RASSF3: variants seen among roughly 807,000 people sequenced by gnomAD.
RASSF3 encodes Ras association domain family member 3, also known as ras association domain-containing protein 3.
RASSF3 carries 19 observed loss-of-function variants against 19.9 expected under a neutral mutation model. That is an observed-to-expected ratio of 0.96 (90% CI 0.67 to 1.40). RASSF3 has a LOEUF of 1.40. Ranked by LOEUF, RASSF3 falls within the 40% of genes most tolerant of loss-of-function variation. RASSF3 has a pLI of 0.00. For synonymous variants in RASSF3, 110 were observed against 104.2 expected (o/e 1.06, Z -0.34); for missense variants, 306 against 289.8 (o/e 1.06, Z -0.41).
intron 2 of RASSF3, among the ~76,000 whole-genome samples, chr12:64,589,355 C>A (rs1038588928): frequency 4.6e-5 from 7 of 152,112 alleles, no homozygotes; most frequent in African/African-American, 1.4e-4. Flanking sequence ...GAGGCTGAGG[C>A]AGGAGAACTG....
chr12:64,659,384 G>A (rs1165079040), intron 1 of RASSF3, among the ~76,000 whole-genome samples: 1 of 152,158 alleles, frequency 6.6e-6, no homozygotes, highest in African/African-American at 2.4e-5. Context: ...CAAGGTCAGA[G>A]CAAACCGACA....
At chr12:64,605,073 C>T (rs1175219645) in intron 2 of RASSF3, among the ~76,000 whole-genome samples, 1 of 151,928 alleles carries the variant, frequency 6.6e-6, no homozygotes, top group Non-Finnish European at 1.5e-5. Context: ...GCAACCTCCA[C>T]CTCCCTGGTT....
At chr12:64,513,242 C>T (rs1430157320) in intron 1 of RASSF3, among the ~76,000 whole-genome samples, 3 of 151,840 alleles carry the variant, frequency 2.0e-5, no homozygotes, top group Non-Finnish European at 1.5e-5. Context: ...GTCAGGAGTT[C>T]GAGACCAGCC....
intron 2 of RASSF3, among the ~76,000 whole-genome samples, chr12:64,555,983 A>G (rs944451526): frequency 2.5e-4 from 38 of 152,236 alleles, no homozygotes; most frequent in Admixed American, 6.5e-5. Context: ...AGCAGAAGCC[A>G]AGATGGGATT....
At chr12:64,667,524 A>G (rs1872568275) in intron 1 of RASSF3, among the ~76,000 whole-genome samples, 2 of 152,202 alleles carry the variant, frequency 1.3e-5, no homozygotes, top group South Asian at 4.1e-4. Context: ...CCTTGCGGGA[A>G]AGATGGTCGT....
At chr12:64,536,693 A>C (rs1868834388) in intron 1 of RASSF3, among the ~76,000 whole-genome samples, 2 of 152,392 alleles carry the variant, frequency 1.3e-5, no homozygotes, top group South Asian at 4.1e-4. Context: ...AATTTAAATA[A>C]GGAATTATAT....
Position 64,684,009 on chromosome 12 carries a change from A to T in RASSF3, c.112-778A>T, listed in dbSNP as rs1294782627. On this transcript the variant is annotated intron_variant, in intron 1 of 4. Transcript: ENST00000542104. ...GAGAAGGAGAGAGAGAGAGAGAGAG[A>T]GTGAGTGTGTGTGTGTGTGTGTGTG... is the stretch of plus-strand genomic sequence containing the variant. Among the ~76,000 whole-genome samples, 56 of 74,006 alleles carry T rather than the reference A, an allele frequency of 7.6e-4. 1 individual carries two copies. The highest frequency in any genetic ancestry group is 2.3e-3 in the African/African-American group (52 of 22,544). The allele number at this position is 74,006 out of a possible 152,430, so 48.6% of individuals were successfully genotyped here. A position where few individuals can be genotyped will look rare whatever the true frequency, so the allele number is the denominator to read the frequency against.
At chr12:64,680,812 A>G (rs1592466581) in intron 1 of RASSF3, among the ~76,000 whole-genome samples, 1 of 151,912 alleles carries the variant, frequency 6.6e-6, no homozygotes, top group Non-Finnish European at 1.5e-5. Context: ...CAAGGCCACC[A>G]TGTTGGCCAG....
intron 1 of RASSF3, among the ~76,000 whole-genome samples, chr12:64,661,212 T>TAGC (rs752602143): frequency 1.3e-5 from 2 of 152,188 alleles, no homozygotes; most frequent in Non-Finnish European, 2.9e-5. Flanking sequence ...ACCTGGTACA[T>TAGC]AGCAGGTTCT....
At chr12:64,669,922 A>G (rs1040731938) in intron 1 of RASSF3, among the ~76,000 whole-genome samples, 1 of 151,110 alleles carries the variant, frequency 6.6e-6, no homozygotes, top group Non-Finnish European at 1.5e-5. Flanking sequence ...ATTGCTGGCA[A>G]TCTGCTTTCC....
chr12:64,533,259 G>A (rs1369854430), upstream of RASSF3: 2 of 152,222 alleles, frequency 1.3e-5, no homozygotes, highest in Non-Finnish European at 2.9e-5. Context: ...AGCAGGGCCG[G>A]GCTCGAAGAT....
chr12:64,514,961 A>C (rs989007804), intron 1 of RASSF3, among the ~76,000 whole-genome samples: 1 of 151,712 alleles, frequency 6.6e-6, no homozygotes, highest in Non-Finnish European at 1.5e-5. Context: ...CTTTATCTCT[A>C]ATTCTTTCCA....
At chr12:64,574,458 G>C (rs943091695) in intron 2 of RASSF3, among the ~76,000 whole-genome samples, 23 of 152,130 alleles carry the variant, frequency 1.5e-4, no homozygotes, top group African/African-American at 5.3e-4. Flanking sequence ...TGCCCCTCCT[G>C]TTTCACACCT....
intron 1 of RASSF3, among the ~76,000 whole-genome samples, chr12:64,677,414 C>T (rs1872948193): frequency 6.6e-6 from 1 of 152,104 alleles, no homozygotes; most frequent in African/African-American, 2.4e-5. Flanking sequence ...TTTGTAGGTG[C>T]ATACCATCAT....
chr12:64,541,278 G>A (rs918892363), intron 1 of RASSF3, among the ~76,000 whole-genome samples: 3 of 152,056 alleles, frequency 2.0e-5, no homozygotes, highest in African/African-American at 4.8e-5. Flanking sequence ...GAGCCACAGC[G>A]CCCGGCCAAT....
intron 2 of RASSF3, among the ~76,000 whole-genome samples, chr12:64,559,839 C>T (rs1477702358): frequency 6.6e-6 from 1 of 152,174 alleles, no homozygotes; most frequent in African/African-American, 2.4e-5. Flanking sequence ...CAAAGTTTTC[C>T]ACTGGTTCCT....
intron 1 of RASSF3, among the ~76,000 whole-genome samples, chr12:64,640,989 T>C (rs1871496312): frequency 1.3e-5 from 2 of 152,230 alleles, no homozygotes; most frequent in East Asian, 3.9e-4. Flanking sequence ...TGAAATAATA[T>C]TCTAATGTAT....
intron 1 of RASSF3, among the ~76,000 whole-genome samples, chr12:64,680,322 C>T (rs973073142): frequency 2.6e-5 from 4 of 152,032 alleles, no homozygotes; most frequent in Non-Finnish European, 4.4e-5. Flanking sequence ...TGCTATGAGA[C>T]CCAGAGAAAC....
chr12:64,693,612 T>C (rs560475307), intron 4 of RASSF3, among the ~76,000 whole-genome samples: 130 of 152,234 alleles, frequency 8.5e-4, no homozygotes, highest in Non-Finnish European at 1.4e-3. Context: ...AGCGACCTGG[T>C]GTCACTATTT....
Sources: gnomAD v4.1 joint callset for allele counts (sites outside exome capture counted in the v4.1 genomes callset) on GRCh38, gnomAD v4.1.1 for gene constraint, MANE v1.5 for transcripts, NCBI Gene and HGNC (gene_info 2026-07-23, HGNC 2026-07-21) for gene names.